Variants in SIGLEC15 observed in about 807,000 individuals in gnomAD.
The protein encoded by SIGLEC15 is sialic acid binding Ig like lectin 15.
In SIGLEC15, 31 loss-of-function variants were observed where a neutral mutation model predicts 26.2. That is an observed-to-expected ratio of 1.18 (90% confidence interval 0.89 to 1.60). SIGLEC15 has a LOEUF of 1.60. SIGLEC15 is among the 40% of genes most tolerant of loss of function. SIGLEC15 has a pLI of 0.00. For missense variants in SIGLEC15, 501 were observed against 488.4 expected (o/e 1.03, Z -0.24); for synonymous variants, 207 against 221.9 (o/e 0.93, Z 0.60).
In SIGLEC15 at chr18:45,837,914, C is replaced by G; in HGVS notation, c.496+18C>G. The G allele has an allele frequency of 6.8e-7, 1 of 1,474,216 alleles. No homozygotes were observed. Among genetic ancestry groups the G allele is most frequent in the Non-Finnish European group, 8.9e-7 (1 of 1,122,822 alleles). 91.3% of individuals were successfully genotyped at this position (1,474,216 alleles called of 1,614,324 possible). On this transcript the variant is annotated intron_variant, in intron 3 of 5. Transcript: ENST00000389474. ...CGTGACAGGCGAGGCGGCGTGGGAGCGGGTCCCCGGCCTCCCTTCCCGCCC... is the reference window on the plus strand; with the variant it reads ...CGTGACAGGCGAGGCGGCGTGGGAGGGGGTCCCCGGCCTCCCTTCCCGCCC...
At chr18:45,841,263 G>T (rs1244653541) in intron 5 of SIGLEC15, among the ~76,000 whole-genome samples, 1 of 152,086 alleles carries the variant, frequency 6.6e-6, no homozygotes, top group African/African-American at 2.4e-5. Context: ...GCAGGTAGGA[G>T]CGGTGGAGTT....
chr18:45,825,819 A>G (rs750983843), intron 1 of SIGLEC15, 39 bp downstream of exon 1: 1 of 1,612,462 alleles, frequency 6.2e-7, no homozygotes, highest in African/African-American at 1.3e-5. Flanking sequence ...TGCTCGGGAC[A>G]GAATAGATGC....
chr18:45,830,752 A>ATTTTTTTTT (rs34498635), intron 1 of SIGLEC15, among the ~76,000 whole-genome samples: 3 of 118,140 alleles, frequency 2.5e-5, no homozygotes, highest in African/African-American at 6.8e-5. Flanking sequence ...TGCCAGGCTA[A>ATTTTTTTTT]TTTTTTTTTT....
At chr18:45,840,062 G>A (rs2048312160) in intron 4 of SIGLEC15, 149 bp from the exon 5 acceptor site, 3 of 769,290 alleles carry the variant, frequency 3.9e-6, no homozygotes, top group Non-Finnish European at 6.1e-6. Context: ...GGGTTCCATG[G>A]CACAGCTTCA....
Position 45,841,572 on chromosome 18 carries a change from G to C in SIGLEC15, c.906-534G>C, listed in dbSNP as rs749917225. Among the ~76,000 whole-genome samples, 181 of 152,298 alleles carry C rather than the reference G, an allele frequency of 1.2e-3. 1 individual carries two copies. In the Middle Eastern group the frequency reaches 0.017, roughly 14 times the overall value. ...GCTGTTTGGACAAAGGTGCAGGGGTGGCGGTGGGGAAGTGGGTAGACGGGA... is the reference window on the plus strand; with the variant it reads ...GCTGTTTGGACAAAGGTGCAGGGGTCGCGGTGGGGAAGTGGGTAGACGGGA... On this transcript the variant is annotated intron_variant, in intron 5 of 5. Coordinates refer to ENST00000389474, the MANE Select transcript of SIGLEC15 (RefSeq NM_213602.3).
Position 45,843,242 on chromosome 18 carries a change from C to T in SIGLEC15, c.*1055C>T, listed in dbSNP as rs1013587845. On this transcript the variant is annotated 3_prime_UTR_variant, in exon 6 of 6. Transcript: ENST00000389474. Reference sequence around the variant, plus strand: ...AAGTCCAAACGCACTGGCAACTTCACCCCCTTTGCCCTAACGCGGGCAGGC... The same window carrying T: ...AAGTCCAAACGCACTGGCAACTTCATCCCCTTTGCCCTAACGCGGGCAGGC... The T allele has an allele frequency of 2.0e-5, 3 of 152,338 alleles. No individual in the cohort carries two copies. Among genetic ancestry groups the T allele is most frequent in the Non-Finnish European group, 4.4e-5 (3 of 68,138 alleles). The allele number at this position is 152,338 out of a possible 1,614,324, so 9.4% of individuals were successfully genotyped here. A position where few individuals can be genotyped will look rare whatever the true frequency, so the allele number is the denominator to read the frequency against.
chr18:45,832,071 C>T (rs2048240508), intron 1 of SIGLEC15, among the ~76,000 whole-genome samples: 1 of 152,222 alleles, frequency 6.6e-6, no homozygotes, highest in Admixed American at 6.5e-5. Flanking sequence ...TGAGCACTTT[C>T]CCACCACCCT....
chr18:45,840,116 CG>C lies in SIGLEC15; in HGVS notation c.875-94del, dbSNP rs568389914. 1.9e-5 allele frequency: 27 copies of C among 1,422,324 alleles called. No homozygotes were observed. The East Asian group carries it at 5.6e-4, about 30-fold the overall frequency. 88.1% of individuals were successfully genotyped at this position (1,422,324 alleles called of 1,614,324 possible). A position where few individuals can be genotyped will look rare whatever the true frequency, so the allele number is the denominator to read the frequency against. On this transcript the variant is annotated intron_variant, in intron 4 of 5. Coordinates refer to ENST00000389474, the MANE Select transcript of SIGLEC15 (RefSeq NM_213602.3). ...TTTGCTTCAAAAACAGTGGTTTCCT[CG>C]AGACCCCTTCCACATGGCATGGGTG...
At position 45,838,816 on chromosome 18, in the gene SIGLEC15, T is replaced by C; in HGVS notation, c.595T>C (p.Trp199Arg). 1 of 1,560,398 alleles carries C rather than the reference T, an allele frequency of 6.4e-7. No homozygotes were observed. The highest frequency in any genetic ancestry group is 1.8e-5 in the Admixed American group (1 of 54,076). ...AEGEPPPALAWSGPALGNSLA... is the reference protein window; with the variant it reads ...AEGEPPPALARSGPALGNSLA... ...AGGGGAGCCGCCGCCCGCCCTCGCC[T>C]GGTCCGGCCCGGCCCTGGGCAACAG... The change falls in exon 4 of 6, where the codon TGG becomes CGG. Residue 199 changes from tryptophan to arginine, a missense_variant. By Grantham distance (101) the Trp-to-Arg change is moderately radical. Transcript: ENST00000389474.
chr18:45,833,191 G>C (rs1364961879), intron 1 of SIGLEC15, among the ~76,000 whole-genome samples: 1 of 152,122 alleles, frequency 6.6e-6, no homozygotes, highest in Admixed American at 6.5e-5. Context: ...AACTACCCAG[G>C]GTTAAGCCTT....
rs146026640 is a variant in SIGLEC15 at position 45,832,907 on chromosome 18, T to A, written c.53-4122T>A. 4.7e-3 allele frequency among the ~76,000 whole-genome samples: 719 copies of A among 152,284 alleles called. 5 individuals are homozygous for A. The highest frequency in any genetic ancestry group is 8.1e-3 in the Non-Finnish European group (551 of 68,020). ...CTGGGCAGCCTTATCCAAAGGTCTC[T>A]GTGTAAGCGGGAGTCCAAGTGCCCG... is the stretch of plus-strand genomic sequence containing the variant. On this transcript the variant is annotated intron_variant, in intron 1 of 5. Transcript: ENST00000389474.
rs1452223081 is a variant in SIGLEC15 at position 45,827,659 on chromosome 18, T to G, written c.52+1879T>G. Among the ~76,000 whole-genome samples, 3 of 152,154 alleles carry G rather than the reference T, an allele frequency of 2.0e-5. No individual in the cohort carries two copies. The South Asian group carries it at 6.2e-4, about 31-fold the overall frequency. On this transcript the variant is annotated intron_variant, in intron 1 of 5. Transcript: ENST00000389474. ...CCACCTTGAAGAGGAGCTGGGGAGA[T>G]TCATTAGACACTACATCAAAGGCCC...
At chr18:45,827,711 C>A (rs1182628076) in intron 1 of SIGLEC15, among the ~76,000 whole-genome samples, 7 of 152,182 alleles carry the variant, frequency 4.6e-5, no homozygotes, top group African/African-American at 1.7e-4. Flanking sequence ...CCCTCAGTGG[C>A]CGCACGATAA....
chr18:45,829,167 CCT>C (rs1469203584), intron 1 of SIGLEC15: 1 of 985,246 alleles, frequency 1.0e-6, no homozygotes, highest in African/African-American at 1.7e-5. Context: ...TGTGGCCCTG[CCT>C]CTCCATCAGC....
At chr18:45,828,012 G>C (rs986626340) in intron 1 of SIGLEC15, among the ~76,000 whole-genome samples, 1 of 152,204 alleles carries the variant, frequency 6.6e-6, no homozygotes, top group Admixed American at 6.5e-5. Flanking sequence ...CTGCTTCACA[G>C]TTAGAACCAG....
intron 1 of SIGLEC15, among the ~76,000 whole-genome samples, chr18:45,827,135 C>G (rs1019728492): frequency 6.6e-6 from 1 of 152,166 alleles, no homozygotes; most frequent in African/African-American, 2.4e-5. Context: ...AGCCTGGTCT[C>G]GAACTCCTGA....
intron 2 of SIGLEC15, 21 bp from the exon 3 acceptor site, chr18:45,837,492 C>G: frequency 6.8e-7 from 1 of 1,461,104 alleles, no homozygotes; most frequent in Non-Finnish European, 8.9e-7. Flanking sequence ...CCGAGCCTGA[C>G]GCAGCCCGCC....
rs2048334147 is a variant in SIGLEC15 at position 45,842,480 on chromosome 18, C to T, written c.*293C>T. 4 of 357,324 alleles carry T rather than the reference C, an allele frequency of 1.1e-5. No homozygotes were observed. In the South Asian group the frequency reaches 2.0e-4, roughly 18 times the overall value. 22.1% of individuals were successfully genotyped at this position (357,324 alleles called of 1,614,324 possible). ...GAGAGAGTACACGCATTAGCTTGAG[C>T]GTGAAACTTCCAGAAATGTTCCCTT... is the stretch of plus-strand genomic sequence containing the variant. On this transcript the variant is annotated 3_prime_UTR_variant, in exon 6 of 6. Transcript: ENST00000389474.
chr18:45,838,762 C>T lies in SIGLEC15; in HGVS notation c.541C>T (p.His181Tyr). Residue 181 changes from histidine (H) to tyrosine (Y), a missense_variant, in exon 4 of 6, where the codon CAC becomes TAC. His to Tyr is a moderately conservative substitution (Grantham distance 83). Coordinates refer to ENST00000389474, the MANE Select transcript of SIGLEC15 (RefSeq NM_213602.3). ...VNISVLPSPAHAFRALCTAEG... is the reference protein window; with the variant it reads ...VNISVLPSPAYAFRALCTAEG... The stretch of plus-strand genomic sequence containing the variant: ...CATCTCGGTGCTGCCCAGTCCGGCT[C>T]ACGCCTTCCGCGCGCTCTGCACTGC... 1 of 1,580,632 alleles carries T rather than the reference C, an allele frequency of 6.3e-7. No individual in the cohort carries two copies. Among genetic ancestry groups the T allele is most frequent in the Non-Finnish European group, 8.5e-7 (1 of 1,171,418 alleles).
Sources: allele counts gnomAD v4.1 joint callset (sites outside exome capture counted in the v4.1 genomes callset), GRCh38; gene constraint gnomAD v4.1.1; transcripts MANE v1.5; gene names NCBI Gene and HGNC (gene_info 2026-07-23, HGNC 2026-07-21).